Variants in BMPR1B observed in about 807,000 individuals in gnomAD.
BMPR1B encodes bone morphogenetic protein receptor type 1B.
BMPR1B carries 12 observed loss-of-function variants against 59.1 expected under a neutral mutation model. That is an observed-to-expected ratio of 0.20 (90% CI 0.13 to 0.33). The LOEUF is 0.33. BMPR1B is among the 10% of genes least tolerant of loss of function. The pLI is 1.00. For synonymous variants in BMPR1B, 237 were observed against 207.3 expected (o/e 1.14, Z -1.23); for missense variants, 550 against 610.9 (o/e 0.90, Z 1.05).
intron 1 of BMPR1B, among the ~76,000 whole-genome samples, chr4:94,818,260 A>C (rs1246118980): frequency 1.3e-5 from 2 of 152,228 alleles, no homozygotes. Flanking sequence ...AAGAAATAAT[A>C]CTTAGAGTTA....
intron 3 of BMPR1B, among the ~76,000 whole-genome samples, chr4:95,010,457 A>T (rs1011168417): frequency 2.6e-5 from 4 of 152,032 alleles, no homozygotes; most frequent in African/African-American, 9.7e-5. Context: ...CTAGAGCCTG[A>T]TTTTGGTTCT....
At chr4:94,972,395 TTC>T (rs1175685037) in intron 2 of BMPR1B, among the ~76,000 whole-genome samples, 1 of 152,136 alleles carries the variant, frequency 6.6e-6, no homozygotes, top group Non-Finnish European at 1.5e-5. Flanking sequence ...AAATGAAATA[TTC>T]ATTAGTTCTA....
At chr4:95,006,868 A>G (rs1050950481) in intron 3 of BMPR1B, among the ~76,000 whole-genome samples, 13 of 152,064 alleles carry the variant, frequency 8.5e-5, no homozygotes, top group African/African-American at 1.4e-4. Context: ...ACTTTACAGT[A>G]TAATATATGA....
intron 1 of BMPR1B, among the ~76,000 whole-genome samples, chr4:94,771,750 C>T (rs969722683): frequency 5.3e-5 from 8 of 151,966 alleles, no homozygotes; most frequent in South Asian, 4.1e-4. Context: ...CTGTTTGATC[C>T]GTCTATTGTC....
intron 2 of BMPR1B, among the ~76,000 whole-genome samples, chr4:94,958,235 A>C (rs932440982): frequency 6.6e-6 from 1 of 152,208 alleles, no homozygotes; most frequent in Non-Finnish European, 1.5e-5. Flanking sequence ...GATAATAAGC[A>C]CACCTTCCAT....
intron 1 of BMPR1B, among the ~76,000 whole-genome samples, chr4:94,820,318 C>T (rs1389491240): frequency 2.0e-5 from 3 of 152,148 alleles, no homozygotes; most frequent in East Asian, 1.9e-4. Context: ...AAGCCATTGG[C>T]GTAAAAGTCA....
chr4:94,836,347 A>G (rs1248139483), intron 1 of BMPR1B, among the ~76,000 whole-genome samples: 3 of 147,952 alleles, frequency 2.0e-5, no homozygotes, highest in Non-Finnish European at 3.0e-5. Context: ...GACTTCCACA[A>G]TGGTTGAACT....
intron 1 of BMPR1B, among the ~76,000 whole-genome samples, chr4:94,852,590 A>G (rs753592481): frequency 6.6e-6 from 1 of 152,062 alleles, no homozygotes; most frequent in Non-Finnish European, 1.5e-5. Context: ...TATGGGATTT[A>G]GCTGTTTTAC....
intron 4 of BMPR1B, among the ~76,000 whole-genome samples, chr4:95,109,907 G>A (rs556301286): frequency 1.3e-3 from 163 of 125,706 alleles, no homozygotes; most frequent in Non-Finnish European, 2.1e-3. Flanking sequence ...TCCCCTTCCT[G>A]TGTCCATGTG....
chr4:95,104,327 G>A, intron 3 of BMPR1B, 81 bp from the exon 4 acceptor site: 1 of 1,445,204 alleles, frequency 6.9e-7, no homozygotes, highest in South Asian at 1.2e-5. Flanking sequence ...ATTTTAAAAT[G>A]TAATCTCATG....
At chr4:94,774,517 GA>G (rs140308531) in intron 1 of BMPR1B, among the ~76,000 whole-genome samples, 100 of 150,622 alleles carry the variant, frequency 6.6e-4, no homozygotes, top group Non-Finnish European at 1.1e-3. Context: ...GATTAAAAAT[GA>G]AAAAAAAATT....
At chr4:95,129,043 G>A (rs2149298090) in intron 8 of BMPR1B, among the ~76,000 whole-genome samples, 1 of 114,962 alleles carries the variant, frequency 8.7e-6, no homozygotes, top group South Asian at 2.7e-4. Context: ...GTGCATTACA[G>A]TTTATTTCTT....
At chr4:95,024,977 T>A (rs1724253022) in intron 3 of BMPR1B, among the ~76,000 whole-genome samples, 1 of 152,136 alleles carries the variant, frequency 6.6e-6, no homozygotes, top group Non-Finnish European at 1.5e-5. Context: ...GGTGCGTGCC[T>A]GTAGTCTCAG....
At chr4:94,932,643 C>CT (rs1729137136) in intron 2 of BMPR1B, among the ~76,000 whole-genome samples, 1 of 151,978 alleles carries the variant, frequency 6.6e-6, no homozygotes. Flanking sequence ...ACATACACCC[C>CT]TTTTTTGGCC....
intron 2 of BMPR1B, among the ~76,000 whole-genome samples, chr4:94,916,191 G>C (rs188654268): frequency 2.0e-5 from 3 of 152,312 alleles, no homozygotes; most frequent in Non-Finnish European, 2.9e-5. Flanking sequence ...GTACTGAGGA[G>C]TTAGGCATTA....
intron 1 of BMPR1B, among the ~76,000 whole-genome samples, chr4:94,796,609 T>C (rs1158954155): frequency 1.3e-5 from 2 of 152,166 alleles, no homozygotes; most frequent in Non-Finnish European, 2.9e-5. Context: ...ATTATTTAAG[T>C]ATTTCTTGTA....
chr4:94,963,494 T>G (rs1264139298), intron 2 of BMPR1B, among the ~76,000 whole-genome samples: 1 of 152,190 alleles, frequency 6.6e-6, no homozygotes, highest in East Asian at 1.9e-4. Flanking sequence ...TTTAAGTTTT[T>G]AATCCACTTT....
At chr4:94,948,577 C>T (rs1304951420) in intron 2 of BMPR1B, among the ~76,000 whole-genome samples, 5 of 152,102 alleles carry the variant, frequency 3.3e-5, no homozygotes, top group Admixed American at 6.5e-5. Context: ...ATAAAGGATG[C>T]GGCATTGTAG....
At chr4:94,873,853 T>C (rs1726605690) in intron 1 of BMPR1B, among the ~76,000 whole-genome samples, 1 of 152,236 alleles carries the variant, frequency 6.6e-6, no homozygotes, top group Admixed American at 6.5e-5. Context: ...ATTCACGTTA[T>C]TGTGCAACAG....
Sources: gnomAD v4.1 joint callset for allele counts (sites outside exome capture counted in the v4.1 genomes callset) on GRCh38, gnomAD v4.1.1 for gene constraint, MANE v1.5 for transcripts, NCBI Gene and HGNC (gene_info 2026-07-23, HGNC 2026-07-21) for gene names.